Variants in ATF1 observed in about 807,000 individuals in gnomAD.
The protein encoded by ATF1 is cyclic AMP-dependent transcription factor ATF-1.
ATF1 carries 16 observed loss-of-function variants against 34.7 expected under a neutral mutation model. The ratio of observed to expected loss-of-function variants is 0.46; its 90% CI spans 0.31 to 0.70. ATF1 has a LOEUF of 0.70. Among genes scored for constraint, ATF1 ranks in the 30% least tolerant of loss-of-function variants. The pLI, the probability that ATF1 is intolerant of heterozygous loss-of-function variation, is 0.05. For synonymous variants in ATF1, 105 were observed against 113.1 expected, an observed-to-expected ratio of 0.93 and a Z score of 0.46; for missense variants, 255 against 321.6, an observed-to-expected ratio of 0.79 and a Z score of 1.58.
intron 1 of ATF1, among the ~76,000 whole-genome samples, chr12:50,767,875 CTT>C (rs956407793): frequency 1.2e-4 from 17 of 142,140 alleles, no homozygotes; most frequent in Admixed American, 1.4e-4. Context: ...TTTGCACTTT[CTT>C]TTTTTTTTTT....
chr12:50,813,304 C>G (rs1941775321), intron 4 of ATF1, among the ~76,000 whole-genome samples: 1 of 152,072 alleles, frequency 6.6e-6, no homozygotes, highest in Admixed American at 6.6e-5. Context: ...ATCTTAATAA[C>G]ATGTAATACA....
At chr12:50,809,884 A>G (rs1941698802) in intron 4 of ATF1, among the ~76,000 whole-genome samples, 1 of 152,218 alleles carries the variant, frequency 6.6e-6, no homozygotes, top group South Asian at 2.1e-4. Flanking sequence ...CCCAGGCCGG[A>G]GTGCAGTGGC....
chr12:50,814,131 G>A lies in ATF1; in HGVS notation c.450G>A (p.Gln150=), dbSNP rs748413019. ...CTCAGCAAGGTACAACTATTCTTCA[G>A]TATGCACAGACCTCTGATGGACAGC... The part of the protein sequence containing the change: ...GSTQQGTTIL[Q]YAQTSDGQQI... The change falls in exon 5 of 7, where the codon CAG becomes CAA. Residue 150 remains glutamine (Q), a synonymous_variant. Coordinates refer to ENST00000262053, the MANE Select transcript of ATF1 (RefSeq NM_005171.5). The A allele has an allele frequency of 1.2e-6, 2 of 1,614,212 alleles. No homozygotes were observed. The highest frequency in any genetic ancestry group is 1.7e-6 in the Non-Finnish European group (2 of 1,180,028).
At chr12:50,810,704 C>A (rs1941719382) in intron 4 of ATF1, among the ~76,000 whole-genome samples, 1 of 152,152 alleles carries the variant, frequency 6.6e-6, no homozygotes, top group African/African-American at 2.4e-5. Context: ...CCCTCCACTC[C>A]TAACATTAAT....
intron 1 of ATF1, among the ~76,000 whole-genome samples, chr12:50,778,931 T>G (rs573963277): frequency 5.2e-4 from 79 of 152,284 alleles, no homozygotes; most frequent in Admixed American, 1.4e-3. Context: ...GCTCCTTCCC[T>G]TAGTCCCTGA....
intron 2 of ATF1, among the ~76,000 whole-genome samples, chr12:50,787,439 A>ATGTT (rs1393712494): frequency 2.6e-5 from 4 of 152,182 alleles, no homozygotes; most frequent in South Asian, 2.1e-4. Flanking sequence ...TCAAATGGAA[A>ATGTT]TGTTAGAAAT....
chr12:50,792,743 G>A (rs905367742), intron 2 of ATF1, among the ~76,000 whole-genome samples: 21 of 151,758 alleles, frequency 1.4e-4, no homozygotes, highest in African/African-American at 5.1e-4. Context: ...GAAAGTTATT[G>A]CTTATGATTT....
intron 1 of ATF1, chr12:50,764,600 G>A (rs1322319880): frequency 1.3e-5 from 2 of 152,318 alleles, no homozygotes; most frequent in African/African-American, 2.4e-5. Context: ...CGCCTCAGAA[G>A]CCGCCCTTTG....
chr12:50,765,851 G>T (rs1940620394), intron 1 of ATF1, among the ~76,000 whole-genome samples: 1 of 152,192 alleles, frequency 6.6e-6, no homozygotes, highest in Non-Finnish European at 1.5e-5. Context: ...GGTCTAAAAA[G>T]GGGAGGCGTG....
Position 50,820,201 on chromosome 12 carries a change from CAATA to C in ATF1, c.*426_*429del, listed in dbSNP as rs1241107182. ...GTGTGTGTGTGTGTGTAATTTCTGC[CAATA>C]AATTCTAAATTACAAAGGTAAGAGA... On this transcript the variant is annotated 3_prime_UTR_variant, in exon 7 of 7. Coordinates refer to ENST00000262053, the MANE Select transcript of ATF1 (RefSeq NM_005171.5). 14 of 206,324 alleles carry C rather than the reference CAATA, an allele frequency of 6.8e-5. No homozygotes were observed. The highest frequency in any genetic ancestry group is 4.5e-4 in the East Asian group (6 of 13,432). 12.8% of individuals were successfully genotyped at this position (206,324 alleles called of 1,614,324 possible). A position where few individuals can be genotyped will look rare whatever the true frequency, so the allele number is the denominator to read the frequency against.
At chr12:50,814,789 T>C (rs1287789408) in intron 6 of ATF1, among the ~76,000 whole-genome samples, 1 of 152,068 alleles carries the variant, frequency 6.6e-6, no homozygotes, top group Non-Finnish European at 1.5e-5. Context: ...TACTATACTT[T>C]TAATCATTAT....
At chr12:50,800,882 C>G (rs1941498808) in intron 3 of ATF1, among the ~76,000 whole-genome samples, 1 of 151,968 alleles carries the variant, frequency 6.6e-6, no homozygotes, top group Non-Finnish European at 1.5e-5. Flanking sequence ...GGTAGATCAC[C>G]TGAGGTCAGG....
At position 50,819,921 on chromosome 12, in the gene ATF1, T is replaced by G. The variant is rs1422114237; in HGVS notation, c.*142T>G. On this transcript the variant is annotated 3_prime_UTR_variant, in exon 7 of 7. Coordinates refer to ENST00000262053, the MANE Select transcript of ATF1 (RefSeq NM_005171.5). Reference sequence around the variant, plus strand: ...AAGGATAAATATCTTACGCACGATATCTAGTGACAGAGGAGAAAGTGGAAA... The same window carrying G: ...AAGGATAAATATCTTACGCACGATAGCTAGTGACAGAGGAGAAAGTGGAAA... 3.5e-5 allele frequency: 24 copies of G among 691,308 alleles called. No homozygotes were observed. Among genetic ancestry groups the G allele is most frequent in the Non-Finnish European group, 5.2e-5 (23 of 441,110 alleles). The allele number at this position is 691,308 out of a possible 1,614,324, so 42.8% of individuals were successfully genotyped here. A position where few individuals can be genotyped will look rare whatever the true frequency, so the allele number is the denominator to read the frequency against.
intron 3 of ATF1, among the ~76,000 whole-genome samples, chr12:50,803,415 C>A (rs772393000): frequency 2.0e-4 from 30 of 149,824 alleles, no homozygotes; most frequent in Non-Finnish European, 3.3e-4. Context: ...ACTAGGATGA[C>A]TAAAATAGAA....
At chr12:50,804,265 A>AAGAT (rs1941571170) in intron 3 of ATF1, among the ~76,000 whole-genome samples, 1 of 152,222 alleles carries the variant, frequency 6.6e-6, no homozygotes, top group African/African-American at 2.4e-5. Flanking sequence ...AATGTCATAT[A>AAGAT]AGATAGACTT....
chr12:50,770,055 A>G (rs1043545119), intron 1 of ATF1, among the ~76,000 whole-genome samples: 1 of 152,202 alleles, frequency 6.6e-6, no homozygotes, highest in Non-Finnish European at 1.5e-5. Context: ...CATTTGAGCT[A>G]TTTACAGTTC....
chr12:50,768,139 A>T (rs2139633134), intron 1 of ATF1, among the ~76,000 whole-genome samples: 1 of 152,048 alleles, frequency 6.6e-6, no homozygotes, highest in East Asian at 1.9e-4. Context: ...TCCTAAACTG[A>T]TGGGATTACA....
At chr12:50,813,076 G>A (rs949507105) in intron 4 of ATF1, among the ~76,000 whole-genome samples, 1 of 152,168 alleles carries the variant, frequency 6.6e-6, no homozygotes, top group Non-Finnish European at 1.5e-5. Context: ...AAGAGTATAT[G>A]GGAATTGAAT....
At chr12:50,770,958 A>C (rs1940755220) in intron 1 of ATF1, among the ~76,000 whole-genome samples, 1 of 152,102 alleles carries the variant, frequency 6.6e-6, no homozygotes, top group South Asian at 2.1e-4. Flanking sequence ...AAGTCTTCTA[A>C]TTTAGTTTAT....
Sources: gnomAD v4.1 joint callset for allele counts (sites outside exome capture counted in the v4.1 genomes callset) on GRCh38, gnomAD v4.1.1 for gene constraint, MANE v1.5 for transcripts, NCBI Gene and HGNC (gene_info 2026-07-23, HGNC 2026-07-21) for gene names.